Variants in ASB3 observed in about 807,000 individuals in gnomAD.
ASB3 encodes the protein ankyrin repeat and SOCS box protein 3.
A neutral mutation model predicts 54.5 loss-of-function variants in ASB3; 41 were observed. The observed-to-expected ratio is 0.75, with a 90% CI of 0.59 to 0.98. ASB3 has a LOEUF of 0.98. ASB3 is among the 50% of genes least tolerant of loss of function. The pLI is 0.00. For synonymous variants in ASB3, 266 were observed against 221.2 expected (o/e 1.20, Z -1.80); for missense variants, 733 against 620.0 (o/e 1.18, Z -1.94).
At chr2:53,732,923 G>A (rs867538597) in intron 3 of ASB3, among the ~76,000 whole-genome samples, 1 of 152,352 alleles carries the variant, frequency 6.6e-6, no homozygotes, top group Middle Eastern at 3.4e-3. Flanking sequence ...TGGATGGGCT[G>A]AAGAGGAGAC....
intron 1 of ASB3, among the ~76,000 whole-genome samples, chr2:53,779,398 T>C (rs921189700): frequency 1.3e-5 from 2 of 152,120 alleles, no homozygotes; most frequent in East Asian, 1.9e-4. Flanking sequence ...TTCTGCCAGA[T>C]TGTACCCAAA....
At chr2:53,742,643 T>A (rs1671998823) in intron 3 of ASB3, among the ~76,000 whole-genome samples, 1 of 150,290 alleles carries the variant, frequency 6.7e-6, no homozygotes, top group Non-Finnish European at 1.5e-5. Flanking sequence ...AGAAAATACC[T>A]GGGAAAAGCA....
At chr2:53,726,603 C>CACACATATATATACACACATATATATAT (rs1326061467) in intron 5 of ASB3, among the ~76,000 whole-genome samples, 10 of 151,334 alleles carry the variant, frequency 6.6e-5, no homozygotes, top group South Asian at 4.2e-4. Flanking sequence ...TATATACACA[C>CACACATATATATACACACATATATATAT]ACACATATAT....
intron 1 of ASB3, among the ~76,000 whole-genome samples, chr2:53,776,490 G>A (rs1248246055): frequency 6.6e-6 from 1 of 151,940 alleles, no homozygotes; most frequent in Non-Finnish European, 1.5e-5. Context: ...TCAGCTTTTG[G>A]CAATCTATTT....
At chr2:53,740,900 G>A (rs6545364) in intron 3 of ASB3, among the ~76,000 whole-genome samples, 151,204 of 152,346 alleles carry the variant, frequency 0.99, 75,037 homozygotes, top group Middle Eastern at 1. Context: ...TTATTTTTCC[G>A]TATGTCTCCC....
At chr2:53,706,082 A>G (rs555596129) in intron 7 of ASB3, among the ~76,000 whole-genome samples, 4 of 152,208 alleles carry the variant, frequency 2.6e-5, no homozygotes, top group Non-Finnish European at 5.9e-5. Flanking sequence ...GATCCTCAAA[A>G]TAATTTTCTA....
At chr2:53,771,426 T>C (rs758338655) in intron 1 of ASB3, among the ~76,000 whole-genome samples, 8 of 152,164 alleles carry the variant, frequency 5.3e-5, no homozygotes, top group Middle Eastern at 3.4e-3. Flanking sequence ...GGTGAGAGAA[T>C]TGCTTGAGCC....
At chr2:53,730,183 G>A (rs926291496) in intron 3 of ASB3, among the ~76,000 whole-genome samples, 1 of 152,142 alleles carries the variant, frequency 6.6e-6, no homozygotes, top group Non-Finnish European at 1.5e-5. Context: ...TATGAAGGTG[G>A]CACTAATTAT....
At chr2:53,699,870 T>C (rs1669388810) in intron 8 of ASB3, among the ~76,000 whole-genome samples, 1 of 152,130 alleles carries the variant, frequency 6.6e-6, no homozygotes, top group Non-Finnish European at 1.5e-5. Flanking sequence ...GGGTGACAAG[T>C]TTCAAATACA....
At chr2:53,750,664 A>G in intron 3 of ASB3, 119 bp downstream of exon 3, 1 of 1,117,636 alleles carries the variant, frequency 8.9e-7, no homozygotes, top group East Asian at 3.0e-5. Context: ...AAGTAGTGGT[A>G]TGATAGTTGC....
At chr2:53,698,343 G>A (rs1669300500) in intron 8 of ASB3, among the ~76,000 whole-genome samples, 1 of 152,094 alleles carries the variant, frequency 6.6e-6, no homozygotes, top group Non-Finnish European at 1.5e-5. Flanking sequence ...GCTCAGCAAA[G>A]GGTTGCTAGT....
chr2:53,727,175 T>C lies in ASB3; in HGVS notation c.604+1537A>G, dbSNP rs563044469. Among the ~76,000 whole-genome samples, 9 of 152,380 alleles carry C rather than the reference T, an allele frequency of 5.9e-5. No individual in the cohort carries two copies. In the East Asian group the frequency reaches 1.3e-3, roughly 23 times the overall value. On this transcript the variant is annotated intron_variant, in intron 5 of 9. Coordinates refer to ENST00000263634, the MANE Select transcript of ASB3 (RefSeq NM_016115.5). ...TGGACTCTTAATCTAAAAACGATTA[T>C]GTTTGAACAGATAATTTTGGGGATT...
intron 7 of ASB3, among the ~76,000 whole-genome samples, chr2:53,703,274 T>A (rs1669589898): frequency 6.6e-6 from 1 of 152,204 alleles, no homozygotes; most frequent in Non-Finnish European, 1.5e-5. Context: ...AGCTGCTAAC[T>A]TTTTAGCTCC....
rs1377816201 is a variant in ASB3 at position 53,750,957 on chromosome 2, A to T, written c.197-16T>A. 1 of 1,510,694 alleles carries T rather than the reference A, an allele frequency of 6.6e-7. No individual in the cohort carries two copies. Among genetic ancestry groups the T allele is most frequent in the East Asian group, 2.4e-5 (1 of 41,822 alleles). The allele number at this position is 1,510,694 out of a possible 1,614,324, so 93.6% of individuals were successfully genotyped here. A position where few individuals can be genotyped will look rare whatever the true frequency, so the allele number is the denominator to read the frequency against. On this transcript the variant is annotated splice_polypyrimidine_tract_variant and intron_variant, in intron 2 of 9. Transcript: ENST00000263634. Reference sequence around the variant, plus strand: ...TCAGATGAATCTGTGGAAGAATCAAAGCCCATCAACTAGAAGGTATTACTT... The same window carrying T: ...TCAGATGAATCTGTGGAAGAATCAATGCCCATCAACTAGAAGGTATTACTT...
intron 1 of ASB3, among the ~76,000 whole-genome samples, chr2:53,773,081 A>T (rs1025915767): frequency 2.6e-5 from 4 of 152,298 alleles, no homozygotes; most frequent in African/African-American, 9.6e-5. Context: ...AATGGCAGAT[A>T]AATAATGGTG....
intron 1 of ASB3, among the ~76,000 whole-genome samples, chr2:53,777,341 T>A (rs112989883): frequency 2.6e-5 from 4 of 152,214 alleles, no homozygotes; most frequent in African/African-American, 9.6e-5. Flanking sequence ...AAGATTGCAA[T>A]TTTCATGCTT....
chr2:53,716,888 A>G, intron 5 of ASB3, 145 bp from the exon 6 acceptor site: 1 of 966,432 alleles, frequency 1.0e-6, no homozygotes, highest in South Asian at 2.3e-5. Flanking sequence ...TTATATAAAC[A>G]TATTTACTTT....
At chr2:53,740,255 ATAGC>A (rs556939328) in intron 3 of ASB3, among the ~76,000 whole-genome samples, 299 of 152,304 alleles carry the variant, frequency 2.0e-3, no homozygotes, top group African/African-American at 6.6e-3. Context: ...TTTTCATTGT[ATAGC>A]TAGTTTATGT....
intron 1 of ASB3, among the ~76,000 whole-genome samples, chr2:53,775,701 C>T (rs887856415): frequency 6.6e-6 from 1 of 152,204 alleles, no homozygotes; most frequent in African/African-American, 2.4e-5. Context: ...GTCTCGATCT[C>T]CTGACCTCAG....
Sources: allele counts gnomAD v4.1 joint callset (sites outside exome capture counted in the v4.1 genomes callset), GRCh38; gene constraint gnomAD v4.1.1; transcripts MANE v1.5; gene names NCBI Gene and HGNC (gene_info 2026-07-23, HGNC 2026-07-21).